The following ITFG2 variants were observed in gnomAD, a reference collection of about 807,000 sequenced individuals.
The protein encoded by ITFG2 is KICSTOR complex protein ITFG2.
Under a neutral mutation model 54.4 loss-of-function variants are expected in ITFG2, and 36 were observed. The ratio of observed to expected loss-of-function variants is 0.66; its 90% CI spans 0.51 to 0.87. The LOEUF is 0.87. Ranked by LOEUF, ITFG2 falls within the 40% of genes least tolerant of loss-of-function variation. The pLI, the probability that ITFG2 is intolerant of heterozygous loss-of-function variation, is 0.00. For synonymous variants in ITFG2, 211 were observed against 225.4 expected (o/e 0.94, Z 0.57); for missense variants, 524 against 576.7 (o/e 0.91, Z 0.94).
chr12:2,835,249 G>A (rs927331096), upstream of ITFG2: 12 of 976,612 alleles, frequency 1.2e-5, no homozygotes, highest in Non-Finnish European at 1.5e-5. Flanking sequence ...GGGTGCCCGT[G>A]CCAGGTGGTT....
At chr12:2,844,873 T>G (rs1333973692) in intron 2 of ITFG2, among the ~76,000 whole-genome samples, 1 of 152,178 alleles carries the variant, frequency 6.6e-6, no homozygotes, top group East Asian at 1.9e-4. Flanking sequence ...AAGTGTGGTC[T>G]AAGGGAAGCC....
intron 2 of ITFG2, chr12:2,856,809 T>C: frequency 6.4e-6 from 4 of 627,162 alleles, no homozygotes; most frequent in Non-Finnish European, 1.1e-5. Flanking sequence ...GGGTTCCTAG[T>C]GTCATAGGAT....
At chr12:2,822,250 A>G (rs1216873353) in intron 9 of ITFG2, among the ~76,000 whole-genome samples, 5 of 152,156 alleles carry the variant, frequency 3.3e-5, no homozygotes, top group African/African-American at 1.2e-4. Flanking sequence ...GTCTAAATCC[A>G]TCTGAAGCGA....
rs1227241995 is a variant in ITFG2 at position 2,818,160 on chromosome 12, C to T, written c.289C>T (p.Pro97Ser). Reference sequence around the variant, plus strand: ...CTGGTTTCATTTGTTTGACCTGACACCTGCCAAGGTGTTGGATGCTTCTGG... The same window carrying T: ...CTGGTTTCATTTGTTTGACCTGACATCTGCCAAGGTGTTGGATGCTTCTGG... Reference protein sequence around the residue: ...EGWFHLFDLTPAKVLDASGHH... With the variant: ...EGWFHLFDLTSAKVLDASGHH... The change falls in exon 4 of 12, where the codon CCT becomes TCT. Residue 97 changes from proline (P) to serine (S), a missense_variant. Coordinates refer to ENST00000228799, the MANE Select transcript of ITFG2 (RefSeq NM_018463.4). 1.2e-6 allele frequency: 2 copies of T among 1,614,042 alleles called. No individual in the cohort carries two copies. The highest frequency in any genetic ancestry group is 2.2e-5 in the East Asian group (1 of 44,890).
chr12:2,819,891 A>T (rs912074699), intron 4 of ITFG2, 195 bp from the exon 5 acceptor site: 117 of 533,122 alleles, frequency 2.2e-4, no homozygotes, highest in Admixed American at 5.6e-4. Context: ...AGCGGATAGG[A>T]GCTGCGGAAC....
intron 1 of ITFG2, among the ~76,000 whole-genome samples, chr12:2,815,822 A>G (rs2097920053): frequency 6.6e-6 from 1 of 152,132 alleles, no homozygotes; most frequent in Non-Finnish European, 1.5e-5. Flanking sequence ...CCTAAATGGA[A>G]ATAAAGAACT....
At chr12:2,830,753 C>T (rs371650288) in intron 2 of ITFG2, 1 of 1,613,804 alleles carries the variant, frequency 6.2e-7, no homozygotes, top group Non-Finnish European at 8.5e-7. Flanking sequence ...TGCTGGTCTT[C>T]CTCCTGCTCT....
chr12:2,840,152 G>T (rs867882861), intron 1 of ITFG2, among the ~76,000 whole-genome samples: 32 of 151,912 alleles, frequency 2.1e-4, no homozygotes, highest in South Asian at 2.1e-4. Flanking sequence ...GAGTAGGAAG[G>T]TTCAATATAA....
chr12:2,846,892 T>C (rs1000863529), intron 2 of ITFG2, among the ~76,000 whole-genome samples: 8 of 152,152 alleles, frequency 5.3e-5, no homozygotes, highest in African/African-American at 1.7e-4. Context: ...TTATTTTTAA[T>C]TTAGATGAAA....
At chr12:2,855,077 T>C in intron 2 of ITFG2, 2 of 1,535,934 alleles carry the variant, frequency 1.3e-6, no homozygotes, top group Admixed American at 3.9e-5. Context: ...AGGAAGCTGT[T>C]TTGCCCCATC....
intron 2 of ITFG2, chr12:2,830,736 T>C: frequency 6.2e-7 from 1 of 1,613,430 alleles, no homozygotes; most frequent in Non-Finnish European, 8.5e-7. Flanking sequence ...AGCTGGAATC[T>C]CTGTCCTGCT....
chr12:2,827,449 G>A (rs1380702762), downstream of ITFG2: 16 of 1,529,274 alleles, frequency 1.0e-5, no homozygotes, highest in East Asian at 3.2e-4. The surrounding 1 kb of genome is among the most constrained non-coding windows in gnomAD (Gnocchi z 4.0). Flanking sequence ...TGTTGAAGGG[G>A]GTGACCCAGT....
rs1244877648 is a variant in ITFG2, at chr12:2,839,435, G to A, written n.147-1407G>A. On this transcript the variant is annotated intron_variant and non_coding_transcript_variant, in intron 1 of 3. Transcript: ENST00000537710. Reference sequence around the variant, plus strand: ...GAGTAGAAGAAGTGAGCGTATTCTCGTCCAAAACACTTGGAAAATGTCTGT... The same window carrying A: ...GAGTAGAAGAAGTGAGCGTATTCTCATCCAAAACACTTGGAAAATGTCTGT... Among the ~76,000 whole-genome samples the A allele has an allele frequency of 3.9e-5, 6 of 152,320 alleles. No individual in the cohort carries two copies. The South Asian group carries it at 8.3e-4, about 21-fold the overall frequency.
intron 2 of ITFG2, among the ~76,000 whole-genome samples, chr12:2,847,708 A>G (rs956765519): frequency 2.0e-5 from 3 of 150,392 alleles, no homozygotes; most frequent in Non-Finnish European, 4.4e-5. Flanking sequence ...CTGACTCCCC[A>G]TGCCCTTCCT....
intron 2 of ITFG2, chr12:2,849,278 T>C (rs2098062386): frequency 6.5e-7 from 1 of 1,536,020 alleles, no homozygotes; most frequent in South Asian, 1.2e-5. Context: ...GGGGATTTGC[T>C]TGCTTGTGCC....
At chr12:2,823,683 T>A in intron 10 of ITFG2, 87 bp from the exon 11 acceptor site, 1 of 1,443,674 alleles carries the variant, frequency 6.9e-7, no homozygotes. Flanking sequence ...TGGAAAGTGC[T>A]GACTCGGAGG....
chr12:2,858,948 G>T, intron 3 of ITFG2: 1 of 1,613,644 alleles, frequency 6.2e-7, no homozygotes, highest in Admixed American at 1.7e-5. Context: ...CAAGGGAGTG[G>T]TGCTGAGATC....
upstream of ITFG2, chr12:2,835,041 T>G (rs530079047): frequency 2.0e-6 from 3 of 1,466,816 alleles, no homozygotes; most frequent in African/African-American, 1.4e-5. Context: ...GGAGTGAGAC[T>G]CCGGCTGGAA....
At chr12:2,839,024 G>T (rs2098034822) in intron 1 of ITFG2, among the ~76,000 whole-genome samples, 1 of 152,106 alleles carries the variant, frequency 6.6e-6, no homozygotes, top group African/African-American at 2.4e-5. Flanking sequence ...GGGCACAGTG[G>T]CTCATGCCTG....
Sources: allele counts gnomAD v4.1 joint callset (sites outside exome capture counted in the v4.1 genomes callset), GRCh38; gene constraint gnomAD v4.1.1; non-coding constraint Gnocchi (gnomAD v3.1); transcripts MANE v1.5; gene names NCBI Gene and HGNC (gene_info 2026-07-23, HGNC 2026-07-21).